Variants in PIP5K1B observed in about 807,000 individuals in gnomAD.
PIP5K1B encodes phosphatidylinositol-4-phosphate 5-kinase type 1 beta.
A neutral mutation model predicts 67.0 loss-of-function variants in PIP5K1B; 42 were observed. The ratio of observed to expected loss-of-function variants is 0.63; its 90% confidence interval spans 0.49 to 0.81. The LOEUF (loss-of-function observed/expected upper bound fraction) is 0.81. Among genes scored for constraint, PIP5K1B ranks in the 30% least tolerant of loss-of-function variants. The probability of loss-of-function intolerance (pLI) is 0.00; values close to 1 mark genes in which losing one functional copy is unlikely to be tolerated. For missense variants in PIP5K1B, 459 were observed against 646.3 expected, an observed-to-expected ratio of 0.71 and a Z score of 3.14; for synonymous variants, 214 against 231.4, an observed-to-expected ratio of 0.92 and a Z score of 0.68.
At chr9:68,930,756 C>T (rs1564244458) in intron 12 of PIP5K1B, among the ~76,000 whole-genome samples, 1 of 150,628 alleles carries the variant, frequency 6.6e-6, no homozygotes, top group African/African-American at 2.4e-5. Context: ...CCCTTCCATG[C>T]TAATAATAAT....
intron 14 of PIP5K1B, among the ~76,000 whole-genome samples, chr9:68,961,195 C>T (rs930113216): frequency 7.1e-6 from 1 of 140,606 alleles, no homozygotes; most frequent in Non-Finnish European, 1.5e-5. Flanking sequence ...CCGGCCTGGG[C>T]GACAGAGCGA....
At chr9:68,736,872 G>T (rs1035526360) in intron 1 of PIP5K1B, among the ~76,000 whole-genome samples, 3 of 152,168 alleles carry the variant, frequency 2.0e-5, no homozygotes, top group African/African-American at 7.2e-5. Flanking sequence ...AAGTTCTGGG[G>T]ATTAGGATGT....
At chr9:68,946,893 T>G (rs984960069) in intron 14 of PIP5K1B, among the ~76,000 whole-genome samples, 10 of 152,194 alleles carry the variant, frequency 6.6e-5, no homozygotes, top group Admixed American at 6.5e-4. Context: ...GTTTCCTCAT[T>G]TGTAAAGTGT....
At chr9:68,720,624 A>T (rs1443509065) in intron 1 of PIP5K1B, among the ~76,000 whole-genome samples, 1 of 152,102 alleles carries the variant, frequency 6.6e-6, no homozygotes, top group Non-Finnish European at 1.5e-5. Flanking sequence ...GTCTCCAGAT[A>T]CGTCTCTTAC....
intron 11 of PIP5K1B, among the ~76,000 whole-genome samples, chr9:68,920,488 C>T (rs970917487): frequency 2.0e-5 from 3 of 151,154 alleles, no homozygotes; most frequent in African/African-American, 7.3e-5. Flanking sequence ...TTACCTCACC[C>T]TCCTGAGTAG....
At chr9:68,898,822 G>T (rs55990396) in intron 8 of PIP5K1B, among the ~76,000 whole-genome samples, 1 of 152,148 alleles carries the variant, frequency 6.6e-6, no homozygotes, top group African/African-American at 2.4e-5. Context: ...CTTTTATTGA[G>T]ACCGTGGTTA....
intron 1 of PIP5K1B, among the ~76,000 whole-genome samples, chr9:68,722,414 A>G (rs1827933346): frequency 6.6e-6 from 1 of 151,658 alleles, no homozygotes; most frequent in African/African-American, 2.4e-5. Context: ...CATGCTGGCC[A>G]TGGTTGGCCA....
chr9:68,996,045 A>G (rs937220497), intron 15 of PIP5K1B, among the ~76,000 whole-genome samples: 1 of 152,156 alleles, frequency 6.6e-6, no homozygotes, highest in Non-Finnish European at 1.5e-5. Flanking sequence ...GCATTTCTCT[A>G]TTAGTAGTTG....
chr9:68,727,101 G>A (rs1044402285), intron 1 of PIP5K1B, among the ~76,000 whole-genome samples: 3 of 151,994 alleles, frequency 2.0e-5, no homozygotes, highest in Non-Finnish European at 2.9e-5. Flanking sequence ...AGTACTTAAC[G>A]TTGCAAATAA....
chr9:68,858,441 A>C (rs1487645658), intron 4 of PIP5K1B, among the ~76,000 whole-genome samples: 2 of 152,220 alleles, frequency 1.3e-5, no homozygotes, highest in Admixed American at 1.3e-4. Context: ...CCTGGTAAAA[A>C]TGCACACAAG....
chr9:68,747,512 T>C (rs1829378818), intron 2 of PIP5K1B, among the ~76,000 whole-genome samples: 1 of 152,106 alleles, frequency 6.6e-6, no homozygotes, highest in Admixed American at 6.5e-5. Context: ...AACACAGCAC[T>C]TCCATTTTAT....
intron 14 of PIP5K1B, chr9:68,941,210 C>T: frequency 2.4e-6 from 1 of 423,326 alleles, no homozygotes. Context: ...TCCCCCAAAG[C>T]TATCCACATC....
At chr9:68,767,809 G>A (rs188966545) in intron 2 of PIP5K1B, among the ~76,000 whole-genome samples, 1 of 152,036 alleles carries the variant, frequency 6.6e-6, no homozygotes, top group East Asian at 1.9e-4. Flanking sequence ...TTGGGCAGTG[G>A]TTACATGACT....
intron 2 of PIP5K1B, among the ~76,000 whole-genome samples, chr9:68,790,529 A>G (rs765873281): frequency 2.0e-5 from 3 of 152,230 alleles, no homozygotes; most frequent in Non-Finnish European, 2.9e-5. Flanking sequence ...TTATAACAGA[A>G]TAAGGTTAAG....
chr9:68,864,851 G>A (rs1823279580), intron 5 of PIP5K1B, among the ~76,000 whole-genome samples: 1 of 152,146 alleles, frequency 6.6e-6, no homozygotes, highest in Admixed American at 6.5e-5. Flanking sequence ...TTAAAAATAA[G>A]TCATGTTATT....
At chr9:68,977,293 G>A (rs1005968044) in intron 14 of PIP5K1B, among the ~76,000 whole-genome samples, 6 of 152,200 alleles carry the variant, frequency 3.9e-5, no homozygotes, top group Middle Eastern at 3.2e-3. Flanking sequence ...AGGCCAAGGC[G>A]AGCAGATCAC....
At chr9:68,999,421 T>C in intron 15 of PIP5K1B, among the ~76,000 whole-genome samples, 1 of 152,214 alleles carries the variant, frequency 6.6e-6, no homozygotes, top group East Asian at 1.9e-4. Flanking sequence ...TGGTTGTCAC[T>C]GTGACGTTAG....
At chr9:68,958,745 A>G (rs1485919018) in intron 14 of PIP5K1B, among the ~76,000 whole-genome samples, 4 of 152,250 alleles carry the variant, frequency 2.6e-5, no homozygotes, top group Non-Finnish European at 1.5e-5. Flanking sequence ...GAAAGTTATC[A>G]TAATGCAAAC....
At chr9:68,906,769 A>G (rs1356972729) in intron 8 of PIP5K1B, among the ~76,000 whole-genome samples, 1 of 152,218 alleles carries the variant, frequency 6.6e-6, no homozygotes, top group Non-Finnish European at 1.5e-5. Flanking sequence ...CAGATGTTCC[A>G]AGGACAAACC....
Sources: allele counts gnomAD v4.1 joint callset (sites outside exome capture counted in the v4.1 genomes callset), GRCh38; gene constraint gnomAD v4.1.1; transcripts MANE v1.5; gene names NCBI Gene and HGNC (gene_info 2026-07-23, HGNC 2026-07-21).